Variants in TTC28 observed in about 807,000 individuals in gnomAD.
The protein encoded by TTC28 is tetratricopeptide repeat protein 28.
Under a neutral mutation model 198.0 loss-of-function variants are expected in TTC28, and 61 were observed. The observed-to-expected ratio is 0.31, with a 90% CI of 0.25 to 0.38. TTC28 has a LOEUF of 0.38. Among genes scored for constraint, TTC28 ranks in the 10% least tolerant of loss-of-function variants. The pLI is 1.00. For missense variants in TTC28, 2,678 were observed against 3,164.0 expected, an observed-to-expected ratio of 0.85 and a Z score of 3.69; for synonymous variants, 1,171 against 1,297.8, an observed-to-expected ratio of 0.90 and a Z score of 2.10.
chr22:28,209,223 C>T (rs1173445775), intron 5 of TTC28, among the ~76,000 whole-genome samples: 2 of 152,176 alleles, frequency 1.3e-5, no homozygotes, highest in African/African-American at 4.8e-5. Flanking sequence ...CTACAGCTAC[C>T]AGCATGAGCG....
rs151313012 is a variant in TTC28, at chr22:28,099,170, A to T, written c.3418-126T>A. The T allele has an allele frequency of 9.6e-5, 128 of 1,335,210 alleles. 2 individuals carry two copies. In the African/African-American group the frequency reaches 1.7e-3, roughly 17 times the overall value. The allele number at this position is 1,335,210 out of a possible 1,614,324, so 82.7% of individuals were successfully genotyped here. On this transcript the variant is annotated intron_variant, in intron 9 of 22. Coordinates refer to ENST00000397906, the MANE Select transcript of TTC28 (RefSeq NM_001145418.2). ...AAATATTTTTTACAGATTTGAAAGGAAGAGTCTGATGTCCAGGTGTAAGGA... is the reference window on the plus strand; with the variant it reads ...AAATATTTTTTACAGATTTGAAAGGTAGAGTCTGATGTCCAGGTGTAAGGA...
chr22:28,294,905 A>C (rs1329512983), intron 5 of TTC28, among the ~76,000 whole-genome samples: 1 of 152,094 alleles, frequency 6.6e-6, no homozygotes, highest in East Asian at 1.9e-4. Flanking sequence ...CCCTTCACTA[A>C]ATGGACCTAT....
intron 5 of TTC28, among the ~76,000 whole-genome samples, chr22:28,250,136 G>A (rs1012887258): frequency 4.6e-5 from 7 of 152,074 alleles, no homozygotes; most frequent in African/African-American, 1.7e-4. Flanking sequence ...AGTTTCTCTA[G>A]GAAAAACTAT....
chr22:28,607,247 C>G (rs952397273), intron 2 of TTC28, among the ~76,000 whole-genome samples: 1 of 152,124 alleles, frequency 6.6e-6, no homozygotes, highest in African/African-American at 2.4e-5. Context: ...CTTATGAAGG[C>G]TCTCATGTCA....
At chr22:28,352,341 C>T (rs562369096) in intron 2 of TTC28, among the ~76,000 whole-genome samples, 4 of 146,406 alleles carry the variant, frequency 2.7e-5, no homozygotes, top group East Asian at 2.0e-4. Flanking sequence ...ATATATCTCC[C>T]GGTAAGTGCA....
intron 2 of TTC28, among the ~76,000 whole-genome samples, chr22:28,555,641 T>C (rs2049774102): frequency 1.3e-5 from 2 of 152,030 alleles, no homozygotes; most frequent in African/African-American, 4.8e-5. Context: ...GGAGCTAAGC[T>C]ATGAGGACAC....
intron 2 of TTC28, among the ~76,000 whole-genome samples, chr22:28,564,326 A>C (rs1047489812): frequency 3.9e-5 from 6 of 152,196 alleles, no homozygotes; most frequent in Admixed American, 2.6e-4. Context: ...TTAATAAATA[A>C]TATTTTAAAC....
At chr22:28,613,566 C>T (rs1316061581) in intron 2 of TTC28, among the ~76,000 whole-genome samples, 1 of 152,318 alleles carries the variant, frequency 6.6e-6, no homozygotes, top group East Asian at 1.9e-4. Flanking sequence ...TACTGGCAAA[C>T]CAAATCCAGC....
chr22:28,118,519 T>C (rs1170309981), intron 6 of TTC28, among the ~76,000 whole-genome samples: 7 of 152,218 alleles, frequency 4.6e-5, no homozygotes, highest in Non-Finnish European at 2.9e-5. Flanking sequence ...ATACCTTCTC[T>C]ATGTTTAGAT....
chr22:28,501,296 C>A (rs972150095), intron 2 of TTC28, among the ~76,000 whole-genome samples: 3 of 152,112 alleles, frequency 2.0e-5, no homozygotes, highest in South Asian at 4.1e-4. Context: ...GGCTGCCTGA[C>A]TCTGGAGCCT....
At chr22:28,408,304 C>T (rs2047030441) in intron 2 of TTC28, among the ~76,000 whole-genome samples, 1 of 152,128 alleles carries the variant, frequency 6.6e-6, no homozygotes, top group Non-Finnish European at 1.5e-5. Flanking sequence ...AAGTCTGTTC[C>T]ACCCAGAAGA....
At chr22:28,086,442 A>G (rs1212418542) in intron 12 of TTC28, among the ~76,000 whole-genome samples, 2 of 152,198 alleles carry the variant, frequency 1.3e-5, no homozygotes, top group Non-Finnish European at 2.9e-5. Flanking sequence ...GAAGGCAGAA[A>G]TAAAGATGTT....
Position 28,005,930 on chromosome 22 carries a change from T to C in TTC28, c.4219-4377A>G, listed in dbSNP as rs1401778160. On this transcript the variant is annotated intron_variant, in intron 14 of 22. Coordinates refer to ENST00000397906, the MANE Select transcript of TTC28 (RefSeq NM_001145418.2). This position sits in a 1 kb window ranked among gnomAD's most constrained non-coding sequence, Gnocchi z 4.9. ...CCTAGAGAACCACACAGCTTCCCTA[T>C]ATCTTACAGTTATTTGCCTATCATG... Among the ~76,000 whole-genome samples, 2 of 152,238 alleles carry C rather than the reference T, an allele frequency of 1.3e-5. No homozygotes were observed. Among genetic ancestry groups the C allele is most frequent in the Admixed American group, 6.5e-5 (1 of 15,290 alleles).
chr22:28,402,206 T>G (rs569109728), intron 2 of TTC28, among the ~76,000 whole-genome samples: 1 of 152,318 alleles, frequency 6.6e-6, no homozygotes, highest in African/African-American at 2.4e-5. Context: ...TTTGGCATGG[T>G]AGGCCTAGGA....
intron 1 of TTC28, among the ~76,000 whole-genome samples, chr22:28,637,232 G>A (rs1185830350): frequency 2.0e-5 from 3 of 151,952 alleles, no homozygotes; most frequent in Non-Finnish European, 4.4e-5. Flanking sequence ...CGAGGGTCTC[G>A]ATCTCCCGAC....
intron 2 of TTC28, among the ~76,000 whole-genome samples, chr22:28,622,848 G>A (rs558505376): frequency 4.6e-5 from 7 of 151,362 alleles, no homozygotes; most frequent in Non-Finnish European, 7.4e-5. Flanking sequence ...TTGAGACAGA[G>A]TCTTGCTCTG....
intron 12 of TTC28, among the ~76,000 whole-genome samples, chr22:28,049,257 C>T (rs1051251994): frequency 3.3e-5 from 5 of 152,132 alleles, no homozygotes; most frequent in African/African-American, 9.7e-5. Context: ...AGAACAGCTG[C>T]GAAATGGTTT....
intron 5 of TTC28, among the ~76,000 whole-genome samples, chr22:28,193,361 G>A (rs1925056094): frequency 6.6e-6 from 1 of 152,152 alleles, no homozygotes; most frequent in African/African-American, 2.4e-5. Flanking sequence ...ATTGATGCTA[G>A]GAAGAAACTG....
At chr22:28,661,592 CTGAT>C (rs2051748520) in intron 1 of TTC28, among the ~76,000 whole-genome samples, 2 of 151,876 alleles carry the variant, frequency 1.3e-5, no homozygotes, top group African/African-American at 2.4e-5. Context: ...GCTAATTTGA[CTGAT>C]TGATAGACAG....
Sources: allele counts gnomAD v4.1 joint callset (sites outside exome capture counted in the v4.1 genomes callset), GRCh38; gene constraint gnomAD v4.1.1; non-coding constraint Gnocchi (gnomAD v3.1); transcripts MANE v1.5; gene names NCBI Gene and HGNC (gene_info 2026-07-23, HGNC 2026-07-21).